Variants in LITAF observed in about 807,000 individuals in gnomAD.
LITAF encodes the protein lipopolysaccharide-induced tumor necrosis factor-alpha factor.
LITAF carries 9 observed loss-of-function variants against 14.5 expected under a neutral mutation model. That is an observed-to-expected ratio of 0.62 (90% CI 0.37 to 1.08). The LOEUF is 1.08. Among genes scored for constraint, LITAF ranks in the 50% least tolerant of loss-of-function variants. The pLI, the probability that LITAF is intolerant of heterozygous loss-of-function variation, is 0.01. For synonymous variants in LITAF, 98 were observed against 88.2 expected (o/e 1.11, Z -0.62); for missense variants, 206 against 213.4 (o/e 0.97, Z 0.22).
intron 3 of LITAF, among the ~76,000 whole-genome samples, chr16:11,614,095 G>C (rs1488555661): frequency 6.6e-6 from 1 of 152,076 alleles, no homozygotes; most frequent in Non-Finnish European, 1.5e-5. Context: ...TCAGAAGGAT[G>C]TCCTAGTCTC....
chr16:11,606,738 G>A (rs944051766), intron 3 of LITAF, among the ~76,000 whole-genome samples: 2 of 150,358 alleles, frequency 1.3e-5, no homozygotes, highest in African/African-American at 4.9e-5. Flanking sequence ...GGGTTCAATC[G>A]AATTTCCTGC....
chr16:11,603,576 G>T (rs1009275620), intron 3 of LITAF, among the ~76,000 whole-genome samples: 2 of 152,228 alleles, frequency 1.3e-5, no homozygotes, highest in African/African-American at 4.8e-5. Flanking sequence ...CGCCCTGGGG[G>T]ACACAGCTGC....
chr16:11,612,537 T>C (rs763587785), intron 3 of LITAF, among the ~76,000 whole-genome samples: 24 of 152,228 alleles, frequency 1.6e-4, no homozygotes, highest in Admixed American at 9.2e-4. Flanking sequence ...CAAACTGCAC[T>C]GCATGCGGCC....
chr16:11,630,450 T>C (rs2065111036), intron 3 of LITAF, among the ~76,000 whole-genome samples: 2 of 152,248 alleles, frequency 1.3e-5, no homozygotes, highest in Middle Eastern at 3.4e-3. Context: ...TTGGGCCTCA[T>C]TGCAAACCAC....
chr16:11,626,014 G>T (rs754036945), intron 3 of LITAF, among the ~76,000 whole-genome samples: 2 of 152,136 alleles, frequency 1.3e-5, no homozygotes, highest in Non-Finnish European at 2.9e-5. Context: ...TTGAACCTGG[G>T]AGTCAATTCC....
In LITAF at chr16:11,549,878, T is replaced by TAATCCAAGATGATCC; in HGVS notation, c.378-134_378-133insGGATCATCTTGGATT. On this transcript the variant is annotated intron_variant, in intron 3 of 3. Coordinates refer to ENST00000622633, the MANE Select transcript of LITAF (RefSeq NM_001136472.2). The surrounding 1 kb of genome is among the most constrained non-coding windows in gnomAD (Gnocchi z 4.6). ...TATAATTAGGAATTTTGAGATGGGA[T>TAATCCAAGATGATCC]CATCTTGGATTATCCAGGCGGACCC... is the stretch of plus-strand genomic sequence containing the variant. The TAATCCAAGATGATCC allele has an allele frequency of 1.4e-6, 1 of 726,678 alleles. No homozygotes were observed. Among genetic ancestry groups the TAATCCAAGATGATCC allele is most frequent in the Non-Finnish European group, 2.4e-6 (1 of 409,864 alleles). 45.0% of individuals were successfully genotyped at this position (726,678 alleles called of 1,614,324 possible).
At position 11,561,355 on chromosome 16, in the gene LITAF, G is replaced by A. The variant is rs367766012; in HGVS notation, c.-5-4620C>T. On this transcript the variant is annotated intron_variant, in intron 1 of 3. Coordinates refer to ENST00000622633, the MANE Select transcript of LITAF (RefSeq NM_001136472.2). ...TGCATCTTTACAGAGTCAACACACA[G>A]GTGTGGGGGATGGGAGGATGGGAGC... The A allele has an allele frequency of 1.7e-3, 255 of 152,356 alleles. 1 individual carries two copies. Among genetic ancestry groups the A allele is most frequent in the African/African-American group, 5.8e-3 (241 of 41,584 alleles). The allele number at this position is 152,356 out of a possible 1,614,324, so 9.4% of individuals were successfully genotyped here. A position where few individuals can be genotyped will look rare whatever the true frequency, so the allele number is the denominator to read the frequency against.
At chr16:11,575,049 C>T (rs563161737) in intron 1 of LITAF, among the ~76,000 whole-genome samples, 78 of 152,204 alleles carry the variant, frequency 5.1e-4, no homozygotes, top group African/African-American at 1.8e-3. Context: ...GTGATCCGCC[C>T]ACCTCGGCCT....
intron 3 of LITAF, among the ~76,000 whole-genome samples, chr16:11,620,644 C>A (rs1350935788): frequency 6.6e-6 from 1 of 152,210 alleles, no homozygotes; most frequent in Non-Finnish European, 1.5e-5. Context: ...CACTTTCCCA[C>A]TATTGAAGGT....
rs140990446 is a variant in LITAF, at chr16:11,556,623, A to C, written c.108T>G (p.Pro36=). 50 of 1,614,180 alleles carry C rather than the reference A, an allele frequency of 3.1e-5. No homozygotes were observed. In the African/African-American group the frequency reaches 6.3e-4, roughly 20 times the overall value. ...TAGTTGGCCCAGGCATGGGAGCTGG[A>C]GGTGTGGGGTAATAACTGTTAACAG... The part of the protein sequence containing the change: ...TVAVNSYYPT[P]PAPMPGPTTG... Residue 36 remains proline, a synonymous_variant, in exon 2 of 4, where the codon CCT becomes CCG. Transcript: ENST00000622633.
intron 3 of LITAF, among the ~76,000 whole-genome samples, chr16:11,620,988 T>C (rs2065046842): frequency 6.6e-6 from 1 of 152,026 alleles, no homozygotes; most frequent in Admixed American, 6.5e-5. Flanking sequence ...CTCAACTTTC[T>C]GGGCTCAGGT....
intron 3 of LITAF, among the ~76,000 whole-genome samples, chr16:11,628,598 G>A (rs771878439): frequency 6.6e-6 from 1 of 152,178 alleles, no homozygotes; most frequent in Non-Finnish European, 1.5e-5. Context: ...CAAACTCCTA[G>A]GGTCAAGGGA....
At position 11,560,275 on chromosome 16, in the gene LITAF, C is replaced by A. The variant is rs9932179; in HGVS notation, c.-5-3540G>T. 9.0e-3 allele frequency among the ~76,000 whole-genome samples: 1,367 copies of A among 152,002 alleles called. 15 individuals are homozygous for A. The highest frequency in any genetic ancestry group is 0.031 in the African/African-American group (1,284 of 41,434). On this transcript the variant is annotated intron_variant, in intron 1 of 3. Transcript: ENST00000622633. ...TTGCGCCATTGCACTCTAGCCTGGG[C>A]AACAGAGTGAGACTCTGTCTCAAAA...
chr16:11,549,879 C>T lies in LITAF; in HGVS notation c.378-134G>A. The T allele has an allele frequency of 1.4e-6, 1 of 725,470 alleles. No individual in the cohort carries two copies. Among genetic ancestry groups the T allele is most frequent in the Non-Finnish European group, 2.4e-6 (1 of 408,938 alleles). The allele number at this position is 725,470 out of a possible 1,614,324, so 44.9% of individuals were successfully genotyped here. A position where few individuals can be genotyped will look rare whatever the true frequency, so the allele number is the denominator to read the frequency against. On this transcript the variant is annotated intron_variant, in intron 3 of 3. Transcript: ENST00000622633. This position sits in a 1 kb window ranked among gnomAD's most constrained non-coding sequence, Gnocchi z 4.6. The stretch of plus-strand genomic sequence containing the variant: ...ATAATTAGGAATTTTGAGATGGGAT[C>T]ATCTTGGATTATCCAGGCGGACCCC...
At chr16:11,627,914 G>C (rs935021998) in intron 3 of LITAF, among the ~76,000 whole-genome samples, 3 of 151,362 alleles carry the variant, frequency 2.0e-5, no homozygotes, top group Non-Finnish European at 4.4e-5. Context: ...CTACTCGGGA[G>C]GCCGAGGCAG....
intron 2 of LITAF, among the ~76,000 whole-genome samples, chr16:11,555,715 A>C (rs2141712681): frequency 6.6e-6 from 1 of 152,256 alleles, no homozygotes; most frequent in East Asian, 1.9e-4. Context: ...AGGATGGTCT[A>C]AGAATCTAAA....
chr16:11,600,219 G>A (rs1311235902), upstream of LITAF, among the ~76,000 whole-genome samples: 3 of 152,160 alleles, frequency 2.0e-5, no homozygotes, highest in Admixed American at 6.6e-5. This position sits in a 1 kb window ranked among gnomAD's most constrained non-coding sequence, Gnocchi z 4.1. Context: ...GCCCAGGCTG[G>A]TCTGGAACTC....
chr16:11,623,155 G>T (rs1052147753), intron 3 of LITAF, among the ~76,000 whole-genome samples: 4 of 151,372 alleles, frequency 2.6e-5, no homozygotes, highest in African/African-American at 9.7e-5. Context: ...GTAGAGACGG[G>T]TTTCACTGTG....
At position 11,549,525 on chromosome 16, in the gene LITAF, G is replaced by T; in HGVS notation, c.*112C>A. The T allele has an allele frequency of 1.3e-6, 1 of 774,576 alleles. No individual in the cohort carries two copies. The highest frequency in any genetic ancestry group is 1.5e-5 in the South Asian group (1 of 68,142). The allele number at this position is 774,576 out of a possible 1,614,324, so 48.0% of individuals were successfully genotyped here. A position where few individuals can be genotyped will look rare whatever the true frequency, so the allele number is the denominator to read the frequency against. ...CCCCCAAAAGAAGACATGAAGGTGG[G>T]CCCCCTGGAGAGGTGAGACCACCAG... On this transcript the variant is annotated 3_prime_UTR_variant, in exon 4 of 4. Transcript: ENST00000622633. This position sits in a 1 kb window ranked among gnomAD's most constrained non-coding sequence, Gnocchi z 4.6.
Sources: gnomAD v4.1 joint callset for allele counts (sites outside exome capture counted in the v4.1 genomes callset) on GRCh38, gnomAD v4.1.1 for gene constraint, Gnocchi (gnomAD v3.1) non-coding constraint, MANE v1.5 for transcripts, NCBI Gene and HGNC (gene_info 2026-07-23, HGNC 2026-07-21) for gene names.